TTC28: variants seen among roughly 807,000 people sequenced by gnomAD.
The protein encoded by TTC28 is tetratricopeptide repeat domain 28.
In TTC28, 61 loss-of-function variants were observed where a neutral mutation model predicts 198.0. The ratio of observed to expected loss-of-function variants is 0.31; its 90% CI spans 0.25 to 0.38. TTC28 has a LOEUF of 0.38. Among genes scored for constraint, TTC28 ranks in the 10% least tolerant of loss-of-function variants. The pLI, the probability that TTC28 is intolerant of heterozygous loss-of-function variation, is 1.00. For synonymous variants in TTC28, 1,171 were observed against 1,297.8 expected (o/e 0.90, Z 2.10); for missense variants, 2,678 against 3,164.0 (o/e 0.85, Z 3.69).
At chr22:28,206,656 T>C (rs1159562611) in intron 5 of TTC28, among the ~76,000 whole-genome samples, 1 of 152,162 alleles carries the variant, frequency 6.6e-6, no homozygotes, top group Non-Finnish European at 1.5e-5. Flanking sequence ...ACACTTTGCC[T>C]TGACTAGTAC....
chr22:28,032,213 T>C (rs1437798749), intron 12 of TTC28, among the ~76,000 whole-genome samples: 2 of 116,098 alleles, frequency 1.7e-5, no homozygotes, highest in Non-Finnish European at 3.6e-5. Context: ...AAAATATATA[T>C]ATATAAAATA....
At chr22:28,478,836 CT>C (rs2048203569) in intron 2 of TTC28, among the ~76,000 whole-genome samples, 1 of 152,180 alleles carries the variant, frequency 6.6e-6, no homozygotes, top group African/African-American at 2.4e-5. Flanking sequence ...TCAGACAGAA[CT>C]TTAACCACCT....
At chr22:28,499,297 C>T (rs1021529856) in intron 2 of TTC28, among the ~76,000 whole-genome samples, 1 of 152,044 alleles carries the variant, frequency 6.6e-6, no homozygotes, top group African/African-American at 2.4e-5. Flanking sequence ...CAGAATGTTT[C>T]AACAGTTTCA....
At chr22:28,099,110 G>A in intron 9 of TTC28, 66 bp from the exon 10 acceptor site, 1 of 1,535,266 alleles carries the variant, frequency 6.5e-7, no homozygotes, top group Non-Finnish European at 8.8e-7. Context: ...TTACAGACTA[G>A]AGACAACTTT....
intron 2 of TTC28, among the ~76,000 whole-genome samples, chr22:28,578,950 A>C (rs1227942165): frequency 6.6e-6 from 1 of 152,094 alleles, no homozygotes; most frequent in Non-Finnish European, 1.5e-5. Context: ...CTGGGATCCT[A>C]AACTTGAAAG....
At chr22:28,389,910 C>T (rs989802169) in intron 2 of TTC28, among the ~76,000 whole-genome samples, 6 of 151,758 alleles carry the variant, frequency 4.0e-5, no homozygotes, top group Admixed American at 2.6e-4. Context: ...GCTCTTGCTT[C>T]TCTAGTTCTT....
At chr22:28,262,460 A>G (rs1256861525) in intron 5 of TTC28, among the ~76,000 whole-genome samples, 1 of 152,178 alleles carries the variant, frequency 6.6e-6, no homozygotes, top group Non-Finnish European at 1.5e-5. Flanking sequence ...CAATATATTC[A>G]TCATCCAATT....
intron 2 of TTC28, among the ~76,000 whole-genome samples, chr22:28,531,454 A>G (rs533742779): frequency 5.3e-5 from 8 of 152,190 alleles, no homozygotes; most frequent in Non-Finnish European, 8.8e-5. Context: ...CCACACAATA[A>G]TAATGGGAGA....
At chr22:28,507,740 T>C (rs112265759) in intron 2 of TTC28, among the ~76,000 whole-genome samples, 3,019 of 151,952 alleles carry the variant, frequency 0.02, 31 homozygotes, top group Non-Finnish European at 0.027. Flanking sequence ...CAGAAGAGAG[T>C]GGGGGCCAGT....
intron 2 of TTC28, among the ~76,000 whole-genome samples, chr22:28,392,703 A>G (rs1286332140): frequency 3.3e-5 from 5 of 151,896 alleles, no homozygotes; most frequent in African/African-American, 9.7e-5. Flanking sequence ...GCTTCGGCTC[A>G]CGCATGGTGC....
intron 2 of TTC28, among the ~76,000 whole-genome samples, chr22:28,470,412 C>T (rs1018434702): frequency 3.9e-5 from 6 of 152,116 alleles, no homozygotes; most frequent in African/African-American, 1.2e-4. Context: ...AGAGTCTTAG[C>T]TAAGATATAA....
At chr22:28,273,159 T>C (rs1048729478) in intron 5 of TTC28, among the ~76,000 whole-genome samples, 10 of 152,128 alleles carry the variant, frequency 6.6e-5, no homozygotes, top group African/African-American at 2.2e-4. Context: ...CTACTCCTAC[T>C]CTAAATATCT....
intron 2 of TTC28, among the ~76,000 whole-genome samples, chr22:28,621,875 C>T (rs1470455536): frequency 6.6e-6 from 1 of 151,476 alleles, no homozygotes; most frequent in African/African-American, 2.4e-5. Context: ...GACTAGCTAA[C>T]TGGAAGAAAT....
intron 2 of TTC28, among the ~76,000 whole-genome samples, chr22:28,445,983 G>A (rs1187634042): frequency 6.6e-6 from 1 of 152,114 alleles, no homozygotes; most frequent in African/African-American, 2.4e-5. Context: ...AGTGAACAGT[G>A]TCTGACACAC....
chr22:28,527,194 A>G (rs1336661842), intron 2 of TTC28, among the ~76,000 whole-genome samples: 1 of 152,012 alleles, frequency 6.6e-6, no homozygotes, highest in African/African-American at 2.4e-5. Context: ...CCTGATGATC[A>G]CCTCCCTATG....
At chr22:28,258,164 C>T (rs1931087851) in intron 5 of TTC28, among the ~76,000 whole-genome samples, 2 of 152,072 alleles carry the variant, frequency 1.3e-5, no homozygotes, top group Admixed American at 6.6e-5. Context: ...AGAGCTGTGC[C>T]TGACTTTTGA....
intron 5 of TTC28, among the ~76,000 whole-genome samples, chr22:28,285,869 A>T (rs2044674730): frequency 6.6e-6 from 1 of 152,184 alleles, no homozygotes; most frequent in African/African-American, 2.4e-5. Context: ...GCAAGAAAAC[A>T]ACAACAAAAC....
intron 5 of TTC28, among the ~76,000 whole-genome samples, chr22:28,193,159 C>T (rs1925027172): frequency 6.6e-6 from 1 of 152,232 alleles, no homozygotes; most frequent in Middle Eastern, 3.4e-3. Context: ...GAATTTTCAA[C>T]CCAGAATTTC....
chr22:28,029,217 C>T (rs1046351665), intron 13 of TTC28: 9 of 421,832 alleles, frequency 2.1e-5, no homozygotes, highest in African/African-American at 1.4e-4. Flanking sequence ...TACAACCAGG[C>T]TGCCAGCTCC....
Sources: allele counts gnomAD v4.1 joint callset (sites outside exome capture counted in the v4.1 genomes callset), GRCh38; gene constraint gnomAD v4.1.1; transcripts MANE v1.5; gene names NCBI Gene and HGNC (gene_info 2026-07-23, HGNC 2026-07-21).